Variants in ITGA9 observed in about 807,000 individuals in gnomAD.
ITGA9 encodes the protein integrin subunit alpha 9.
In ITGA9, 56 loss-of-function variants were observed where a neutral mutation model predicts 127.8. The ratio of observed to expected loss-of-function variants is 0.44; its 90% CI spans 0.35 to 0.55. ITGA9 has a LOEUF of 0.55. ITGA9 is among the 20% of genes least tolerant of loss of function. ITGA9 has a pLI of 0.00. For synonymous variants in ITGA9, 508 were observed against 514.5 expected (o/e 0.99, Z 0.17); for missense variants, 1,196 against 1,347.1 (o/e 0.89, Z 1.76).
intron 15 of ITGA9, among the ~76,000 whole-genome samples, chr3:37,553,245 G>A (rs1288134633): frequency 6.6e-6 from 1 of 152,102 alleles, no homozygotes; most frequent in African/African-American, 2.4e-5. Flanking sequence ...ATTCTTTTAC[G>A]TAACCATAGC....
At chr3:37,636,429 T>A (rs1166174409) in intron 16 of ITGA9, among the ~76,000 whole-genome samples, 2 of 152,270 alleles carry the variant, frequency 1.3e-5, no homozygotes, top group Non-Finnish European at 2.9e-5. Flanking sequence ...ATAAATGTCT[T>A]CTTTTGAGAA....
intron 4 of ITGA9, among the ~76,000 whole-genome samples, chr3:37,485,096 C>T (rs1698595689): frequency 6.6e-6 from 1 of 152,116 alleles, no homozygotes; most frequent in African/African-American, 2.4e-5. Context: ...AGAGAGGGGA[C>T]AGGGTGTTTT....
chr3:37,774,800 A>G (rs979553764), intron 23 of ITGA9, among the ~76,000 whole-genome samples: 1 of 152,188 alleles, frequency 6.6e-6, no homozygotes, highest in Non-Finnish European at 1.5e-5. Flanking sequence ...CCAAACTGTG[A>G]GAAACTTTTA....
At chr3:37,504,077 G>A (rs1698816581) in intron 6 of ITGA9, among the ~76,000 whole-genome samples, 2 of 152,112 alleles carry the variant, frequency 1.3e-5, no homozygotes, top group South Asian at 4.1e-4. Flanking sequence ...TTTGCATAGC[G>A]TCACTGGGAA....
At chr3:37,723,673 A>T (rs1701215522) in intron 18 of ITGA9, among the ~76,000 whole-genome samples, 1 of 151,928 alleles carries the variant, frequency 6.6e-6, no homozygotes, top group African/African-American at 2.4e-5. Flanking sequence ...GTTATTTTTC[A>T]TTTCCTTTTG....
At chr3:37,560,917 T>A (rs1699480703) in intron 15 of ITGA9, among the ~76,000 whole-genome samples, 1 of 152,216 alleles carries the variant, frequency 6.6e-6, no homozygotes, top group African/African-American at 2.4e-5. Context: ...CCTCTCTTCT[T>A]GGCTTGTAGA....
At chr3:37,506,680 C>T (rs983220008) in intron 7 of ITGA9, among the ~76,000 whole-genome samples, 5 of 152,146 alleles carry the variant, frequency 3.3e-5, no homozygotes, top group African/African-American at 1.2e-4. Context: ...GAAACATGAC[C>T]TCTGAGGGGC....
chr3:37,654,858 A>C (rs1700462693), intron 17 of ITGA9, among the ~76,000 whole-genome samples: 1 of 151,466 alleles, frequency 6.6e-6, no homozygotes, highest in African/African-American at 2.4e-5. Context: ...CCCACCCCTG[A>C]CAGGCCCCGG....
chr3:37,563,135 A>G (rs1271421509), intron 15 of ITGA9, among the ~76,000 whole-genome samples: 5 of 152,120 alleles, frequency 3.3e-5, no homozygotes, highest in Non-Finnish European at 7.4e-5. Context: ...GAAGTTTACA[A>G]TGTTATCTTT....
chr3:37,597,626 A>T lies in ITGA9; in HGVS notation c.1690-31561A>T, dbSNP rs182312789. Among the ~76,000 whole-genome samples, 1 of 152,306 alleles carries T rather than the reference A, an allele frequency of 6.6e-6. No homozygotes were observed. Among genetic ancestry groups the T allele is most frequent in the East Asian group, 1.9e-4 (1 of 5,188 alleles). On this transcript the variant is annotated intron_variant, in intron 15 of 27. Coordinates refer to ENST00000264741, the MANE Select transcript of ITGA9 (RefSeq NM_002207.3). This position sits in a 1 kb window ranked among gnomAD's most constrained non-coding sequence, Gnocchi z 4.6. Reference sequence around the variant, plus strand: ...TACTCAGTAAATGACTGGTGAATGAATGTGTTTTAAATAAGGTATATAGTG... The same window carrying T: ...TACTCAGTAAATGACTGGTGAATGATTGTGTTTTAAATAAGGTATATAGTG...
chr3:37,730,989 G>A (rs1371480536), intron 18 of ITGA9, among the ~76,000 whole-genome samples: 1 of 152,140 alleles, frequency 6.6e-6, no homozygotes, highest in Admixed American at 6.5e-5. Context: ...TTTGCAGTGG[G>A]GACAGACATA....
chr3:37,765,107 A>G (rs1696765302), intron 23 of ITGA9, among the ~76,000 whole-genome samples: 1 of 152,100 alleles, frequency 6.6e-6, no homozygotes, highest in Admixed American at 6.5e-5. Context: ...GGTGAGACAA[A>G]TGAAAGAAAT....
Position 37,820,272 on chromosome 3 carries a change from G to A in ITGA9, c.*1283G>A, listed in dbSNP as rs1380201717. On this transcript the variant is annotated 3_prime_UTR_variant, in exon 28 of 28. Transcript: ENST00000264741. Reference sequence around the variant, plus strand: ...TCCGGAGGAAAAGTTAGGCCTCAGAGGTGTCCCAACCTGAATCAAGGGGCT... The same window carrying A: ...TCCGGAGGAAAAGTTAGGCCTCAGAAGTGTCCCAACCTGAATCAAGGGGCT... The A allele has an allele frequency of 6.6e-6, 1 of 152,200 alleles. No homozygotes were observed. The highest frequency in any genetic ancestry group is 1.9e-4 in the East Asian group (1 of 5,198). The allele number at this position is 152,200 out of a possible 1,614,324, so 9.4% of individuals were successfully genotyped here.
intron 4 of ITGA9, among the ~76,000 whole-genome samples, chr3:37,489,710 A>G (rs1490476134): frequency 2.1e-4 from 23 of 111,362 alleles, no homozygotes; most frequent in Middle Eastern, 5.4e-3. Context: ...TTTTTTTTTT[A>G]CTAGAGCTGT....
intron 1 of ITGA9, among the ~76,000 whole-genome samples, chr3:37,453,591 G>T (rs1052415417): frequency 2.0e-5 from 3 of 152,168 alleles, no homozygotes; most frequent in African/African-American, 7.2e-5. Flanking sequence ...TGCCTCATGG[G>T]GGCCCAGGTG....
Position 37,802,358 on chromosome 3 carries a change from G to A in ITGA9, c.2890-1465G>A, listed in dbSNP as rs534478706. Among the ~76,000 whole-genome samples the A allele has an allele frequency of 2.0e-5, 3 of 152,340 alleles. No individual in the cohort carries two copies. The East Asian group carries it at 5.8e-4, about 29-fold the overall frequency. Reference sequence around the variant, plus strand: ...TTGTGCCCAGTCACTGCTTGGGCTTGAGCAAGGGGCTGGACCAGTGGGCTT... The same window carrying A: ...TTGTGCCCAGTCACTGCTTGGGCTTAAGCAAGGGGCTGGACCAGTGGGCTT... On this transcript the variant is annotated intron_variant, in intron 26 of 27. Transcript: ENST00000264741.
At chr3:37,483,693 G>A (rs1326793547) in intron 4 of ITGA9, among the ~76,000 whole-genome samples, 1 of 152,222 alleles carries the variant, frequency 6.6e-6, no homozygotes, top group Admixed American at 6.5e-5. Flanking sequence ...GGCTGGGAAA[G>A]CCTCCAGGAC....
intron 17 of ITGA9, among the ~76,000 whole-genome samples, chr3:37,676,264 C>T (rs555878917): frequency 2.0e-5 from 3 of 152,292 alleles, no homozygotes; most frequent in Non-Finnish European, 4.4e-5. Context: ...ATTTTTACAT[C>T]TTTGAGTATC....
At chr3:37,638,136 T>G (rs896421817) in intron 16 of ITGA9, among the ~76,000 whole-genome samples, 3 of 152,090 alleles carry the variant, frequency 2.0e-5, no homozygotes, top group Non-Finnish European at 4.4e-5. Context: ...ATGGAAGGAA[T>G]TTAGTAAAAT....
Sources: gnomAD v4.1 joint callset for allele counts (sites outside exome capture counted in the v4.1 genomes callset) on GRCh38, gnomAD v4.1.1 for gene constraint, Gnocchi (gnomAD v3.1) non-coding constraint, MANE v1.5 for transcripts, NCBI Gene and HGNC (gene_info 2026-07-23, HGNC 2026-07-21) for gene names.